Variants in PCDH11X observed in about 807,000 individuals in gnomAD.
The protein encoded by PCDH11X is protocadherin-11 X-linked.
Under a neutral mutation model 53.3 loss-of-function variants are expected in PCDH11X, and 18 were observed. The ratio of observed to expected loss-of-function variants is 0.34; its 90% confidence interval spans 0.23 to 0.50. PCDH11X has a LOEUF of 0.50. PCDH11X is among the 20% of genes least tolerant of loss of function. PCDH11X has a pLI of 0.98. For synonymous variants in PCDH11X, 279 were observed against 393.3 expected (o/e 0.71, Z 3.44); for missense variants, 570 against 1,032.4 (o/e 0.55, Z 6.14).
chrX:92,036,777 A>G (rs1370896820), intron 6 of PCDH11X, among the ~76,000 whole-genome samples: 6 of 111,129 alleles, frequency 5.4e-5, no homozygotes, highest in African/African-American at 2.0e-4. Context: ...TCAGAAGAAG[A>G]CAGGACAATT....
chrX:92,239,790 G>A (rs1322533821), intron 7 of PCDH11X, among the ~76,000 whole-genome samples: 1 of 111,570 alleles, frequency 9.0e-6, no homozygotes, highest in Non-Finnish European at 1.9e-5. Context: ...CACATACTCA[G>A]ATGAATTATG....
In PCDH11X at chrX:92,263,136, C is replaced by T. The variant is rs761198202; in HGVS notation, c.3137C>T (p.Ala1046Val). The change falls in exon 8 of 11, where the codon GCA (alanine) becomes GTA (valine). Residue 1046 changes from alanine (A) to valine (V), a missense_variant. Physicochemically the swap from Ala to Val is moderately conservative, Grantham distance 64. Transcript: ENST00000682573. ...QPQRKSEGKV[A>V]GKSQRRVTFH... is the part of the protein sequence containing the mutation. ...CAGCGGAAATCTGAAGGGAAAGTGG[C>T]AGGAAAGGTAAGACTGCAAATTTCA... is the stretch of plus-strand genomic sequence containing the variant. 11 of 1,178,767 alleles carry T rather than the reference C, an allele frequency of 9.3e-6. No individual in the cohort carries two copies. In the African/African-American group the frequency reaches 1.6e-4, roughly 17 times the overall value.
intron 10 of PCDH11X, among the ~76,000 whole-genome samples, chrX:92,482,388 C>T (rs1278631689): frequency 9.2e-6 from 1 of 108,527 alleles, no homozygotes; most frequent in Admixed American, 9.9e-5. Flanking sequence ...TGCTTGTTTT[C>T]ATTAACCTGT....
chrX:92,219,143 G>T (rs748261224), intron 7 of PCDH11X, among the ~76,000 whole-genome samples: 5 of 111,013 alleles, frequency 4.5e-5, no homozygotes, highest in Admixed American at 9.6e-5. Flanking sequence ...GCACAAGACA[G>T]GGATGCCCTC....
chrX:91,836,672 A>C (rs1205395812), intron 5 of PCDH11X, among the ~76,000 whole-genome samples: 1 of 111,503 alleles, frequency 9.0e-6, no homozygotes, highest in African/African-American at 3.3e-5. Context: ...TTTTACAATT[A>C]TTTGAAAACA....
At chrX:92,613,627 A>G (rs1455544098) in intron 10 of PCDH11X, among the ~76,000 whole-genome samples, 1 of 102,467 alleles carries the variant, frequency 9.8e-6, no homozygotes, top group African/African-American at 3.6e-5. Flanking sequence ...GGTGATACTC[A>G]TTTTGTATTA....
At chrX:92,030,128 A>G (rs1429501014) in intron 6 of PCDH11X, among the ~76,000 whole-genome samples, 1 of 111,025 alleles carries the variant, frequency 9.0e-6, no homozygotes. Context: ...ATGCCCAGCT[A>G]AGTTTTGTGT....
chrX:91,894,029 T>C (rs1403447980), intron 6 of PCDH11X, among the ~76,000 whole-genome samples: 10 of 111,816 alleles, frequency 8.9e-5, no homozygotes, highest in Admixed American at 2.9e-4. Context: ...AAATTGGGGT[T>C]TTGTTTTGTT....
At chrX:91,821,347 A>G (rs868860566) in intron 4 of PCDH11X, among the ~76,000 whole-genome samples, 1 of 107,603 alleles carries the variant, frequency 9.3e-6, no homozygotes, top group Non-Finnish European at 1.9e-5. Context: ...CTTTTATTTC[A>G]TTGAGCAGTG....
At chrX:92,599,018 A>AT (rs1925943013) in intron 10 of PCDH11X, among the ~76,000 whole-genome samples, 3 of 110,784 alleles carry the variant, frequency 2.7e-5, no homozygotes, top group African/African-American at 9.9e-5. Context: ...AGAGTGTAGG[A>AT]TATGATTACC....
intron 9 of PCDH11X, among the ~76,000 whole-genome samples, chrX:92,395,455 C>G (rs2071223021): frequency 9.0e-6 from 1 of 111,311 alleles, no homozygotes; most frequent in African/African-American, 3.3e-5. Context: ...TATTACAGAA[C>G]TCTAGTCCGT....
chrX:92,606,166 G>A, intron 10 of PCDH11X, among the ~76,000 whole-genome samples: 1 of 92,641 alleles, frequency 1.1e-5, no homozygotes, highest in East Asian at 3.7e-4. Flanking sequence ...AGGAGGCAGA[G>A]GTTGCAGTGA....
At chrX:92,297,851 G>A (rs910008200) in intron 8 of PCDH11X, among the ~76,000 whole-genome samples, 4 of 107,368 alleles carry the variant, frequency 3.7e-5, no homozygotes, top group Non-Finnish European at 7.7e-5. Flanking sequence ...TTGTTATAGA[G>A]GTTTTTCACC....
intron 1 of PCDH11X, among the ~76,000 whole-genome samples, chrX:91,798,845 C>G (rs2563568): frequency 0.32 from 35,525 of 109,478 alleles, 4,879 homozygotes; most frequent in African/African-American, 0.51. Flanking sequence ...ATTACCACTA[C>G]ATAGCAGTGA....
intron 8 of PCDH11X, among the ~76,000 whole-genome samples, chrX:92,279,263 G>C (rs755869056): frequency 7.1e-5 from 8 of 112,194 alleles, no homozygotes; most frequent in Non-Finnish European, 1.5e-4. Flanking sequence ...AAAACCTATT[G>C]TTGTCCAAAT....
At chrX:92,213,575 T>C (rs1603189138) in intron 7 of PCDH11X, among the ~76,000 whole-genome samples, 1 of 111,981 alleles carries the variant, frequency 8.9e-6, no homozygotes, top group Non-Finnish European at 1.9e-5. Flanking sequence ...AGCAAACATG[T>C]ATCCCAGGTG....
At chrX:91,857,646 A>G (rs1396596486) in intron 5 of PCDH11X, among the ~76,000 whole-genome samples, 2 of 112,011 alleles carry the variant, frequency 1.8e-5, no homozygotes, top group Non-Finnish European at 3.8e-5. Context: ...CAGGCCCCAT[A>G]AAAGTCTGAA....
chrX:92,138,033 A>C, intron 6 of PCDH11X, among the ~76,000 whole-genome samples: 1 of 90,795 alleles, frequency 1.1e-5, no homozygotes, highest in Non-Finnish European at 2.2e-5. Context: ...GACAGACCCT[A>C]GTGTGTATTG....
At chrX:92,458,990 C>T (rs1444828467) in intron 9 of PCDH11X, among the ~76,000 whole-genome samples, 2 of 111,559 alleles carry the variant, frequency 1.8e-5, no homozygotes, top group African/African-American at 6.5e-5. Flanking sequence ...TTTACATTTT[C>T]ATCAAAAGCG....
Sources: allele counts gnomAD v4.1 joint callset (sites outside exome capture counted in the v4.1 genomes callset), GRCh38; gene constraint gnomAD v4.1.1; transcripts MANE v1.5; gene names NCBI Gene and HGNC (gene_info 2026-07-23, HGNC 2026-07-21).